BNC2: variants seen among roughly 807,000 people sequenced by gnomAD.
BNC2 encodes the protein basonuclin zinc finger protein 2.
Under a neutral mutation model 76.3 loss-of-function variants are expected in BNC2, and 20 were observed. That is an observed-to-expected ratio of 0.26 (90% CI 0.18 to 0.38). BNC2 has a LOEUF of 0.38. Among genes scored for constraint, BNC2 ranks in the 10% least tolerant of loss-of-function variants. The pLI, the probability that BNC2 is intolerant of heterozygous loss-of-function variation, is 1.00. For synonymous variants in BNC2, 582 were observed against 514.8 expected (o/e 1.13, Z -1.77); for missense variants, 1,382 against 1,399.8 (o/e 0.99, Z 0.20).
At chr9:16,624,512 A>C (rs1010618328) in intron 3 of BNC2, among the ~76,000 whole-genome samples, 7 of 152,200 alleles carry the variant, frequency 4.6e-5, no homozygotes, top group African/African-American at 1.7e-4. Flanking sequence ...CTTTAAAAAC[A>C]GATCAGGTCA....
intron 1 of BNC2, among the ~76,000 whole-genome samples, chr9:16,838,640 C>T (rs995416215): frequency 6.6e-6 from 1 of 152,228 alleles, no homozygotes; most frequent in Non-Finnish European, 1.5e-5. Context: ...ACCACAGAAT[C>T]ACATCACACT....
At chr9:16,555,774 G>A (rs1390144469) in intron 4 of BNC2, among the ~76,000 whole-genome samples, 1 of 151,998 alleles carries the variant, frequency 6.6e-6, no homozygotes, top group African/African-American at 2.4e-5. Flanking sequence ...TCCAGCCTGG[G>A]CAACAGAGTG....
chr9:16,733,791 A>G (rs1284270080), intron 2 of BNC2, among the ~76,000 whole-genome samples: 2 of 151,946 alleles, frequency 1.3e-5, no homozygotes, highest in African/African-American at 4.8e-5. Context: ...GGCTGAGGCA[A>G]AAGAATCGCT....
chr9:16,667,169 G>T (rs1002430117), intron 3 of BNC2, among the ~76,000 whole-genome samples: 2 of 151,980 alleles, frequency 1.3e-5, no homozygotes, highest in Non-Finnish European at 2.9e-5. Flanking sequence ...TGTTTTGGTT[G>T]TTTATCCAAA....
chr9:16,609,006 G>C (rs1412826640), intron 3 of BNC2, among the ~76,000 whole-genome samples: 1 of 152,152 alleles, frequency 6.6e-6, no homozygotes, highest in African/African-American at 2.4e-5. Context: ...AAGGGATCTT[G>C]GGATTTTTCT....
chr9:16,673,430 T>TA (rs370952322), intron 3 of BNC2, among the ~76,000 whole-genome samples: 199 of 146,324 alleles, frequency 1.4e-3, no homozygotes, highest in South Asian at 0.011. Flanking sequence ...TTCTGAGATT[T>TA]AAAAAAAAAA....
intron 2 of BNC2, among the ~76,000 whole-genome samples, chr9:16,729,319 C>T (rs953842549): frequency 3.9e-5 from 6 of 152,164 alleles, no homozygotes; most frequent in Admixed American, 3.9e-4. Context: ...TAATCTTCAA[C>T]CACCTACAAA....
At chr9:16,603,124 T>A (rs1189163254) in intron 3 of BNC2, among the ~76,000 whole-genome samples, 2 of 152,140 alleles carry the variant, frequency 1.3e-5, no homozygotes, top group African/African-American at 4.8e-5. Flanking sequence ...CAGTAATAGA[T>A]TAGGTTAAAT....
chr9:16,458,083 G>C (rs946749902), intron 5 of BNC2, among the ~76,000 whole-genome samples: 2 of 152,004 alleles, frequency 1.3e-5, no homozygotes, highest in Admixed American at 1.3e-4. Context: ...TGCCCTCTAC[G>C]GTGTCCAGTT....
chr9:16,567,444 T>A (rs1819201928), intron 4 of BNC2, among the ~76,000 whole-genome samples: 2 of 152,110 alleles, frequency 1.3e-5, no homozygotes, highest in African/African-American at 4.8e-5. Flanking sequence ...AAAGAACACA[T>A]CTATCACATG....
chr9:16,587,841 T>C (rs1819816070), intron 3 of BNC2, among the ~76,000 whole-genome samples: 1 of 152,192 alleles, frequency 6.6e-6, no homozygotes, highest in Non-Finnish European at 1.5e-5. Flanking sequence ...GTACCACTCA[T>C]TTCCCAGGGC....
chr9:16,802,282 G>C (rs1817803907), intron 1 of BNC2, among the ~76,000 whole-genome samples: 1 of 152,170 alleles, frequency 6.6e-6, no homozygotes, highest in Admixed American at 6.5e-5. Context: ...AGTAAAACAA[G>C]ATGCCCGAGC....
At chr9:16,597,884 G>C (rs1055435942) in intron 3 of BNC2, among the ~76,000 whole-genome samples, 2 of 151,824 alleles carry the variant, frequency 1.3e-5, no homozygotes, top group East Asian at 1.9e-4. Context: ...CCTGGTTTTC[G>C]GGGCAGTTTT....
chr9:16,479,417 CAA>C (rs1007412890), intron 5 of BNC2, among the ~76,000 whole-genome samples: 3 of 152,090 alleles, frequency 2.0e-5, no homozygotes, highest in African/African-American at 7.2e-5. Flanking sequence ...CAGCACCTAG[CAA>C]AAGTTTTCAA....
At chr9:16,755,258 G>C (rs1190324916) in intron 1 of BNC2, among the ~76,000 whole-genome samples, 1 of 152,136 alleles carries the variant, frequency 6.6e-6, no homozygotes, top group South Asian at 2.1e-4. Context: ...AAGCACACTG[G>C]GTGCAGGAAA....
chr9:16,780,397 C>A, intron 1 of BNC2, among the ~76,000 whole-genome samples: 1 of 151,830 alleles, frequency 6.6e-6, no homozygotes, highest in African/African-American at 2.4e-5. Context: ...CATGGGGAAA[C>A]CCCGTCTCTA....
chr9:16,452,001 T>C (rs76037437), intron 5 of BNC2, among the ~76,000 whole-genome samples: 1,777 of 152,308 alleles, frequency 0.012, 17 homozygotes, highest in South Asian at 0.02. Flanking sequence ...AAAGTGTAAG[T>C]AGCTGACTTG....
At chr9:16,767,603 A>T (rs1377811163) in intron 1 of BNC2, among the ~76,000 whole-genome samples, 1 of 152,124 alleles carries the variant, frequency 6.6e-6, no homozygotes, top group Non-Finnish European at 1.5e-5. Context: ...AAAGTATGAG[A>T]GGGTTGTATG....
chr9:16,779,297 CTCTCA>C (rs1349417513), intron 1 of BNC2, among the ~76,000 whole-genome samples: 14 of 67,114 alleles, frequency 2.1e-4, no homozygotes, highest in Non-Finnish European at 3.8e-4. Context: ...GAGAGACCCT[CTCTCA>C]AAAAAAAAAA....
Sources: gnomAD v4.1 joint callset for allele counts (sites outside exome capture counted in the v4.1 genomes callset) on GRCh38, gnomAD v4.1.1 for gene constraint, MANE v1.5 for transcripts, NCBI Gene and HGNC (gene_info 2026-07-23, HGNC 2026-07-21) for gene names.